The following NOL4 variants were observed in gnomAD, a reference collection of about 807,000 sequenced individuals.
NOL4 encodes nucleolar protein 4.
A neutral mutation model predicts 75.9 loss-of-function variants in NOL4; 17 were observed. The observed-to-expected ratio is 0.22, with a 90% CI of 0.15 to 0.34. The LOEUF (loss-of-function observed/expected upper bound fraction) is 0.34. Among genes scored for constraint, NOL4 ranks in the 10% least tolerant of loss-of-function variants. The probability of loss-of-function intolerance (pLI) is 1.00; values close to 1 mark genes in which losing one functional copy is unlikely to be tolerated. For missense variants in NOL4, 614 were observed against 793.5 expected, an observed-to-expected ratio of 0.77 and a Z score of 2.72; for synonymous variants, 292 against 289.9, an observed-to-expected ratio of 1.01 and a Z score of -0.07.
intron 5 of NOL4, among the ~76,000 whole-genome samples, chr18:34,051,554 T>C (rs1183878341): frequency 6.6e-6 from 1 of 151,920 alleles, no homozygotes; most frequent in Non-Finnish European, 1.5e-5. Context: ...TTATCACTTA[T>C]TAGAAAATTG....
At chr18:34,093,403 C>T (rs2078617893) in intron 5 of NOL4, 62 bp downstream of exon 5, 2 of 1,456,744 alleles carry the variant, frequency 1.4e-6, no homozygotes, top group African/African-American at 2.9e-5. Context: ...TTGTTGTTTC[C>T]ATGCATTCTG....
At chr18:33,856,682 T>A (rs2062852066) in intron 10 of NOL4, among the ~76,000 whole-genome samples, 1 of 151,948 alleles carries the variant, frequency 6.6e-6, no homozygotes. Context: ...ACTACAGGGG[T>A]TGGTGAAATT....
At chr18:33,866,499 T>C (rs1295327171) in intron 10 of NOL4, among the ~76,000 whole-genome samples, 2 of 152,142 alleles carry the variant, frequency 1.3e-5, no homozygotes, top group African/African-American at 4.8e-5. Context: ...ATTTGCCACA[T>C]TGGCCTTTCT....
chr18:33,967,796 G>C (rs2070723903), intron 6 of NOL4, among the ~76,000 whole-genome samples: 1 of 152,054 alleles, frequency 6.6e-6, no homozygotes, highest in Admixed American at 6.6e-5. Flanking sequence ...TTATTAAAAA[G>C]TCAAAAAATA....
chr18:33,895,651 G>T (rs1338128252), intron 9 of NOL4, among the ~76,000 whole-genome samples: 1 of 151,562 alleles, frequency 6.6e-6, no homozygotes, highest in East Asian at 1.9e-4. Flanking sequence ...TTACATTTTT[G>T]GAATAAGAAA....
chr18:34,017,492 AT>A (rs2074766536), intron 6 of NOL4, among the ~76,000 whole-genome samples: 1 of 152,008 alleles, frequency 6.6e-6, no homozygotes, highest in Non-Finnish European at 1.5e-5. Flanking sequence ...CTTTTAGCAA[AT>A]TTTCAATAGA....
At chr18:34,027,704 G>A (rs531001369) in intron 5 of NOL4, among the ~76,000 whole-genome samples, 1 of 152,100 alleles carries the variant, frequency 6.6e-6, no homozygotes, top group Non-Finnish European at 1.5e-5. Flanking sequence ...AGGTAGTGAG[G>A]ACCTTACTTT....
intron 10 of NOL4, among the ~76,000 whole-genome samples, chr18:33,873,922 G>A (rs1940793079): frequency 6.6e-6 from 1 of 151,858 alleles, no homozygotes; most frequent in African/African-American, 2.4e-5. Flanking sequence ...GTATCTTAGG[G>A]AACATAATAG....
intron 5 of NOL4, among the ~76,000 whole-genome samples, chr18:34,069,441 A>C (rs1023034732): frequency 4.3e-4 from 66 of 152,348 alleles, no homozygotes; most frequent in African/African-American, 1.5e-3. Context: ...TGTAATTAGA[A>C]TCTCAAAAGA....
chr18:33,962,017 T>C (rs2070177159), intron 6 of NOL4, among the ~76,000 whole-genome samples: 1 of 152,102 alleles, frequency 6.6e-6, no homozygotes, highest in Non-Finnish European at 1.5e-5. Context: ...CTCTACCAGG[T>C]AAAATTGCCA....
intron 1 of NOL4, among the ~76,000 whole-genome samples, chr18:34,204,549 A>G (rs2035988125): frequency 6.6e-6 from 1 of 152,148 alleles, no homozygotes; most frequent in Non-Finnish European, 1.5e-5. Flanking sequence ...CTAAATAGTG[A>G]GTAGGAAAAA....
chr18:34,142,661 T>C (rs974646320), intron 1 of NOL4, among the ~76,000 whole-genome samples: 2 of 151,962 alleles, frequency 1.3e-5, no homozygotes, highest in African/African-American at 2.4e-5. Flanking sequence ...AAGGGGAACA[T>C]CACACACTGG....
At chr18:33,871,293 G>C (rs1294829997) in intron 10 of NOL4, among the ~76,000 whole-genome samples, 1 of 151,984 alleles carries the variant, frequency 6.6e-6, no homozygotes, top group African/African-American at 2.4e-5. Context: ...CTCTTTGGTG[G>C]AGGTAGGCAA....
intron 6 of NOL4, among the ~76,000 whole-genome samples, chr18:34,004,688 C>T (rs1387853443): frequency 6.6e-6 from 1 of 151,978 alleles, no homozygotes; most frequent in Admixed American, 6.6e-5. Context: ...AACCCACACA[C>T]CCTAGTCAAA....
chr18:33,853,081 C>A, intron 10 of NOL4, 46 bp from the exon 11 acceptor site: 1 of 1,503,530 alleles, frequency 6.7e-7, no homozygotes, highest in Non-Finnish European at 9.0e-7. Flanking sequence ...ATTATTTGTT[C>A]CAGCATCTTG....
intron 10 of NOL4, among the ~76,000 whole-genome samples, chr18:33,858,175 TAAG>T (rs974271393): frequency 1.3e-5 from 2 of 152,084 alleles, no homozygotes; most frequent in Admixed American, 1.3e-4. Context: ...CTAAAAGTCT[TAAG>T]AAGGCTTATT....
At chr18:33,990,794 T>G (rs2072860681) in intron 6 of NOL4, among the ~76,000 whole-genome samples, 1 of 151,922 alleles carries the variant, frequency 6.6e-6, no homozygotes, top group African/African-American at 2.4e-5. Context: ...CTGAGTGAAT[T>G]CCATGTCCTT....
intron 1 of NOL4, among the ~76,000 whole-genome samples, chr18:34,167,813 G>T (rs1026023634): frequency 6.6e-6 from 1 of 152,070 alleles, no homozygotes; most frequent in African/African-American, 2.4e-5. Flanking sequence ...AAGCAGTGAA[G>T]TCTTGGATTC....
chr18:34,108,431 C>T (rs4799360), intron 2 of NOL4, among the ~76,000 whole-genome samples: 123,761 of 152,036 alleles, frequency 0.81, 50,490 homozygotes, highest in East Asian at 0.96. Context: ...AAAGAACTAA[C>T]TATATGCTGT....
Sources: gnomAD v4.1 joint callset for allele counts (sites outside exome capture counted in the v4.1 genomes callset) on GRCh38, gnomAD v4.1.1 for gene constraint, MANE v1.5 for transcripts, NCBI Gene and HGNC (gene_info 2026-07-23, HGNC 2026-07-21) for gene names.